Variants in CYSTM1 observed in about 807,000 individuals in gnomAD.
The protein encoded by CYSTM1 is cysteine-rich transmembrane module-containing protein 1.
CYSTM1 carries 4 observed loss-of-function variants against 13.1 expected under a neutral mutation model. That is an observed-to-expected ratio of 0.31 (90% CI 0.15 to 0.70). The LOEUF is 0.70. CYSTM1 is among the 30% of genes least tolerant of loss of function. CYSTM1 has a pLI of 0.72. For missense variants in CYSTM1, 96 were observed against 121.6 expected (o/e 0.79, Z 0.99); for synonymous variants, 36 against 42.7 (o/e 0.84, Z 0.62).
intron 2 of CYSTM1, 139 bp downstream of exon 2, chr5:140,194,791 G>A (rs1368270581): frequency 9.1e-7 from 1 of 1,104,400 alleles, no homozygotes; most frequent in Non-Finnish European, 1.3e-6. Flanking sequence ...GATGGCTTAG[G>A]GTGGATTCTC....
chr5:140,180,808 T>G (rs1019301254), intron 1 of CYSTM1, among the ~76,000 whole-genome samples: 4 of 152,204 alleles, frequency 2.6e-5, no homozygotes, highest in African/African-American at 7.2e-5. Context: ...TTTTCTAAAC[T>G]CTTTTCATTA....
intron 2 of CYSTM1, among the ~76,000 whole-genome samples, chr5:140,215,332 T>C (rs1377272089): frequency 6.6e-6 from 1 of 152,056 alleles, no homozygotes; most frequent in African/African-American, 2.4e-5. Context: ...ATAGCAAGGA[T>C]TGGTATCTTT....
intron 1 of CYSTM1, among the ~76,000 whole-genome samples, chr5:140,182,801 GAAGA>G (rs951324548): frequency 3.9e-5 from 6 of 152,102 alleles, no homozygotes; most frequent in African/African-American, 1.4e-4. Context: ...TATGAAAACA[GAAGA>G]AAGGGGGAGG....
At chr5:140,216,224 G>C (rs1045157897) in intron 2 of CYSTM1, among the ~76,000 whole-genome samples, 1 of 152,202 alleles carries the variant, frequency 6.6e-6, no homozygotes, top group Admixed American at 6.5e-5. Flanking sequence ...AAGTCTTAAG[G>C]AGTGATTATC....
chr5:140,237,243 C>A (rs1479061973), intron 2 of CYSTM1, among the ~76,000 whole-genome samples: 1 of 152,212 alleles, frequency 6.6e-6, no homozygotes, highest in East Asian at 1.9e-4. Flanking sequence ...AAGGAGAAAC[C>A]TAGATCTGGA....
chr5:140,211,688 T>C (rs1032908839), intron 2 of CYSTM1, among the ~76,000 whole-genome samples: 2 of 152,242 alleles, frequency 1.3e-5, no homozygotes, highest in Non-Finnish European at 2.9e-5. Flanking sequence ...GGCTCACGCC[T>C]GTAATCCCAG....
At chr5:140,212,642 A>G (rs1488864245) in intron 2 of CYSTM1, among the ~76,000 whole-genome samples, 1 of 151,888 alleles carries the variant, frequency 6.6e-6, no homozygotes, top group Non-Finnish European at 1.5e-5. Flanking sequence ...TCAGGAGTAC[A>G]CTCCAAAATA....
chr5:140,224,274 G>A (rs1271584177), intron 2 of CYSTM1, among the ~76,000 whole-genome samples: 1 of 152,074 alleles, frequency 6.6e-6, no homozygotes, highest in Non-Finnish European at 1.5e-5. Context: ...CGAGTAGCTG[G>A]GATTACAGGC....
rs906149059 is a variant in CYSTM1, at chr5:140,239,083, G to A, written c.188-4222G>A. Among the ~76,000 whole-genome samples, 5 of 152,148 alleles carry A rather than the reference G, an allele frequency of 3.3e-5. No individual in the cohort carries two copies. Among genetic ancestry groups the A allele is most frequent in the African/African-American group, 4.8e-5 (2 of 41,420 alleles). On this transcript the variant is annotated intron_variant, in intron 2 of 2. Transcript: ENST00000261811. The surrounding 1 kb of genome is among the most constrained non-coding windows in gnomAD (Gnocchi z 5.4). ...TCTGGTCTTTCTGTTTGCCTTTCCC[G>A]CCTAGCTCTCTTGGGTTGGGACTGG...
chr5:140,180,068 C>A (rs999000407), intron 1 of CYSTM1, among the ~76,000 whole-genome samples: 6 of 152,138 alleles, frequency 3.9e-5, no homozygotes, highest in Non-Finnish European at 7.4e-5. Flanking sequence ...GCCTATGACC[C>A]AGCATCTTTT....
chr5:140,226,024 C>T (rs896644455), intron 2 of CYSTM1, among the ~76,000 whole-genome samples: 7 of 152,168 alleles, frequency 4.6e-5, no homozygotes, highest in African/African-American at 1.7e-4. Flanking sequence ...CTTCTTTCTC[C>T]CTGTCTACAA....
rs1429516996 is a variant in CYSTM1, at chr5:140,175,509, G to GCTC, written c.-21+227_-21+229dup. On this transcript the variant is annotated intron_variant, in intron 1 of 2. Transcript: ENST00000261811. The surrounding 1 kb of genome is among the most constrained non-coding windows in gnomAD (Gnocchi z 4.9). ...CCCGGCGCCCCGCGGCTACTCTGGG[G>GCTC]CTCCTGGTCGCCGCGCCGCGCGTCT... Among the ~76,000 whole-genome samples the GCTC allele has an allele frequency of 1.3e-5, 2 of 151,260 alleles. No homozygotes were observed. Among genetic ancestry groups the GCTC allele is most frequent in the Admixed American group, 6.6e-5 (1 of 15,250 alleles).
In CYSTM1 at chr5:140,177,672, G is replaced by A. The variant is rs75960363; in HGVS notation, c.-21+2387G>A. ...AGTCATTCTCTGTAAAAGAAGCCCC[G>A]AAGTGTGTAAAAGGCCAGAGTAGTT... On this transcript the variant is annotated intron_variant, in intron 1 of 2. Transcript: ENST00000261811. Among the ~76,000 whole-genome samples, 95 of 152,302 alleles carry A rather than the reference G, an allele frequency of 6.2e-4. 7 individuals are homozygous for A. In the East Asian group the frequency reaches 0.018, roughly 29 times the overall value.
chr5:140,178,441 C>CTTTTTTTTT lies in CYSTM1; in HGVS notation c.-21+3173_-21+3181dup, dbSNP rs577709524. The stretch of plus-strand genomic sequence containing the variant: ...TGGAAAAGCCCTATTCAAGTCCTTC[C>CTTTTTTTTT]TTTTTTTTTTTTTTTTTTTTTTTTT... On this transcript the variant is annotated intron_variant, in intron 1 of 2. Transcript: ENST00000261811. Among the ~76,000 whole-genome samples, 353 of 52,654 alleles carry CTTTTTTTTT rather than the reference C, an allele frequency of 6.7e-3. 46 individuals are homozygous for CTTTTTTTTT. Among genetic ancestry groups the CTTTTTTTTT allele is most frequent in the African/African-American group, 0.029 (339 of 11,812 alleles). The allele number at this position is 52,654 out of a possible 152,430, so 34.5% of individuals were successfully genotyped here.
intron 1 of CYSTM1, among the ~76,000 whole-genome samples, chr5:140,177,819 T>G (rs1324629337): frequency 6.6e-6 from 1 of 152,190 alleles, no homozygotes; most frequent in East Asian, 1.9e-4. Context: ...ATTAAAAAAT[T>G]TAGAAAAGTA....
chr5:140,230,083 T>G lies in CYSTM1; in HGVS notation c.188-13222T>G. 6.6e-6 allele frequency among the ~76,000 whole-genome samples: 1 copy of G among 152,142 alleles called. No individual in the cohort carries two copies. Among genetic ancestry groups the G allele is most frequent in the East Asian group, 1.9e-4 (1 of 5,198 alleles). On this transcript the variant is annotated intron_variant, in intron 2 of 2. Coordinates refer to ENST00000261811, the MANE Select transcript of CYSTM1 (RefSeq NM_032412.4). The surrounding 1 kb of genome is among the most constrained non-coding windows in gnomAD (Gnocchi z 4.1). ...ACAGGGGTTTCACCATGTTGGTCAG[T>G]ATGGTCTCGAACTCCTGACCTCAGG...
chr5:140,198,441 G>T (rs764843402), intron 2 of CYSTM1, among the ~76,000 whole-genome samples: 7 of 152,188 alleles, frequency 4.6e-5, no homozygotes, highest in Non-Finnish European at 8.8e-5. Context: ...GACATGAGTA[G>T]GGTCTTGGTT....
intron 2 of CYSTM1, among the ~76,000 whole-genome samples, chr5:140,233,437 T>C (rs1764640159): frequency 6.6e-6 from 1 of 152,250 alleles, no homozygotes; most frequent in Admixed American, 6.5e-5. Context: ...TGAGTGATTA[T>C]GAATCCATCT....
At position 140,243,539 on chromosome 5, in the gene CYSTM1, T is replaced by C. The variant is rs1764779160; in HGVS notation, c.*128T>C. 1.5e-6 allele frequency: 1 copy of C among 649,644 alleles called. No individual in the cohort carries two copies. Among genetic ancestry groups the C allele is most frequent in the African/African-American group, 1.8e-5 (1 of 54,704 alleles). 40.2% of individuals were successfully genotyped at this position (649,644 alleles called of 1,614,324 possible). Reference sequence around the variant, plus strand: ...GCACAGACACCTCTACCTTCAGCACTATGGGATTCTAGATTAATGGGGGTT... The same window carrying C: ...GCACAGACACCTCTACCTTCAGCACCATGGGATTCTAGATTAATGGGGGTT... On this transcript the variant is annotated 3_prime_UTR_variant, in exon 3 of 3. Transcript: ENST00000261811.
Sources: allele counts gnomAD v4.1 joint callset (sites outside exome capture counted in the v4.1 genomes callset), GRCh38; gene constraint gnomAD v4.1.1; non-coding constraint Gnocchi (gnomAD v3.1); transcripts MANE v1.5; gene names NCBI Gene and HGNC (gene_info 2026-07-23, HGNC 2026-07-21).